ATP10B: variants seen among roughly 807,000 people sequenced by gnomAD.
ATP10B encodes phospholipid-transporting ATPase VB.
A neutral mutation model predicts 141.2 loss-of-function variants in ATP10B; 122 were observed. The ratio of observed to expected loss-of-function variants is 0.86; its 90% CI spans 0.75 to 1.00. ATP10B has a LOEUF of 1.00. ATP10B is among the 50% of genes least tolerant of loss of function. The probability of loss-of-function intolerance (pLI) is 0.00; values close to 1 mark genes in which losing one functional copy is unlikely to be tolerated. For missense variants in ATP10B, 1,876 were observed against 1,825.3 expected (o/e 1.03, Z -0.51); for synonymous variants, 685 against 692.0 (o/e 0.99, Z 0.16).
intron 2 of ATP10B, among the ~76,000 whole-genome samples, chr5:160,747,977 C>T (rs1309315013): frequency 7.7e-6 from 1 of 130,394 alleles, no homozygotes; most frequent in Non-Finnish European, 1.6e-5. Flanking sequence ...TATCTGGGTC[C>T]AGCTGAGCAT....
Position 160,688,020 on chromosome 5 carries a change from C to T in ATP10B, c.55G>A (p.Gly19Ser), listed in dbSNP as rs202125356. The change falls in exon 5 of 26, where the codon GGC becomes AGC. Residue 19 changes from glycine (G) to serine (S), a missense_variant. Gly to Ser is a moderately conservative substitution (Grantham distance 56). Transcript: ENST00000327245. The part of the protein sequence containing the change: ...WHRWQWRVRD[G>S]FPHCPSETTP... ...GTTTCCGATGGACAATGGGGGAAGC[C>T]ATCTCTGACTCTCCACTGCCACCGA... 3 of 1,613,858 alleles carry T rather than the reference C, an allele frequency of 1.9e-6. No homozygotes were observed. Among genetic ancestry groups the T allele is most frequent in the Non-Finnish European group, 2.5e-6 (3 of 1,180,002 alleles).
chr5:160,670,463 C>A lies in ATP10B; in HGVS notation c.675G>T (p.Gln225His), dbSNP rs761911471. 6.2e-7 allele frequency: 1 copy of A among 1,613,934 alleles called. No homozygotes were observed. The highest frequency in any genetic ancestry group is 8.5e-7 in the Non-Finnish European group (1 of 1,179,934). ...QRCVVKGFSQQEVQFEPELFH... is the reference protein window; with the variant it reads ...QRCVVKGFSQHEVQFEPELFH... Reference sequence around the variant, plus strand: ...TTGAAGATATTAGAAAGAGCCCTACCTGCTGTGAGAAGCCCTTCACGACAC... The same window carrying A: ...TTGAAGATATTAGAAAGAGCCCTACATGCTGTGAGAAGCCCTTCACGACAC... The change falls in exon 7 of 26, where the codon CAG becomes CAT. Residue 225 changes from glutamine to histidine, a missense_variant and splice_region_variant. Coordinates refer to ENST00000327245, the MANE Select transcript of ATP10B (RefSeq NM_025153.3).
chr5:160,867,248 G>A, the ATP10B span, among the ~76,000 whole-genome samples: 1 of 151,636 alleles, frequency 6.6e-6, no homozygotes, highest in African/African-American at 2.4e-5. Flanking sequence ...CTTAAAAATG[G>A]TGGCTATTAC....
chr5:160,884,506 G>A, the ATP10B span, among the ~76,000 whole-genome samples: 23 of 151,984 alleles, frequency 1.5e-4, no homozygotes, highest in African/African-American at 4.1e-4. Flanking sequence ...AAAAGAACTG[G>A]CTATCTCAGC....
At chr5:160,587,400 T>C (rs148830356) in intron 24 of ATP10B, among the ~76,000 whole-genome samples, 1 of 152,224 alleles carries the variant, frequency 6.6e-6, no homozygotes, top group East Asian at 1.9e-4. Context: ...ACTTAGGATT[T>C]TCTTGGGTAT....
At chr5:160,750,927 C>T (rs916861523) in intron 2 of ATP10B, among the ~76,000 whole-genome samples, 9 of 152,178 alleles carry the variant, frequency 5.9e-5, no homozygotes, top group African/African-American at 1.4e-4. Flanking sequence ...CACCTGCTCT[C>T]CCCTACACTT....
At chr5:160,861,601 T>TTACAC in the ATP10B span, among the ~76,000 whole-genome samples, 2 of 151,912 alleles carry the variant, frequency 1.3e-5, no homozygotes, top group African/African-American at 4.8e-5. Context: ...GGAAAAGTTT[T>TTACAC]TACACTGTAT....
At chr5:160,589,367 T>A (rs1322981501) in intron 24 of ATP10B, among the ~76,000 whole-genome samples, 12 of 152,190 alleles carry the variant, frequency 7.9e-5, no homozygotes, top group Admixed American at 4.6e-4. Flanking sequence ...TCTCATTGTT[T>A]TAATATATGT....
intron 2 of ATP10B, among the ~76,000 whole-genome samples, chr5:160,770,972 C>G (rs1190785551): frequency 6.6e-6 from 1 of 152,176 alleles, no homozygotes; most frequent in Non-Finnish European, 1.5e-5. Flanking sequence ...TATTTTCTAT[C>G]CTTTTTCTCA....
intron 2 of ATP10B, among the ~76,000 whole-genome samples, chr5:160,731,980 G>T (rs1010691616): frequency 2.0e-5 from 3 of 152,108 alleles, no homozygotes; most frequent in Non-Finnish European, 4.4e-5. Context: ...CGAGGATGTT[G>T]AACAGGTAAG....
At chr5:160,873,979 G>A in the ATP10B span, among the ~76,000 whole-genome samples, 1 of 152,250 alleles carries the variant, frequency 6.6e-6, no homozygotes, top group Non-Finnish European at 1.5e-5. Flanking sequence ...CCATTGCCCA[G>A]GCTTGCTTAG....
At chr5:160,727,587 A>C (rs566153940) in intron 2 of ATP10B, among the ~76,000 whole-genome samples, 24 of 152,272 alleles carry the variant, frequency 1.6e-4, no homozygotes, top group African/African-American at 5.3e-4. Flanking sequence ...GGGTCCTGCC[A>C]AATAGTTTAA....
the ATP10B span, among the ~76,000 whole-genome samples, chr5:160,901,013 G>A: frequency 7.2e-6 from 1 of 139,638 alleles, no homozygotes; most frequent in Non-Finnish European, 1.6e-5. Flanking sequence ...TGATTGCTCT[G>A]AAGTTGTAGG....
chr5:160,858,200 GCTTT>G, the ATP10B span, among the ~76,000 whole-genome samples: 1 of 151,688 alleles, frequency 6.6e-6, no homozygotes, highest in Non-Finnish European at 1.5e-5. Flanking sequence ...GGTGGATTGA[GCTTT>G]TGACCATTAT....
chr5:160,622,168 G>A (rs975575947), intron 14 of ATP10B, among the ~76,000 whole-genome samples: 1 of 152,218 alleles, frequency 6.6e-6, no homozygotes, highest in Non-Finnish European at 1.5e-5. Flanking sequence ...AAGTTTGAAA[G>A]CTACACAGAA....
At chr5:160,604,754 G>C (rs1757288866) in intron 19 of ATP10B, among the ~76,000 whole-genome samples, 1 of 152,124 alleles carries the variant, frequency 6.6e-6, no homozygotes, top group Non-Finnish European at 1.5e-5. Flanking sequence ...TCTATACCAA[G>C]ACTGTTCAAG....
intron 7 of ATP10B, among the ~76,000 whole-genome samples, chr5:160,660,692 G>A (rs1411108971): frequency 6.6e-6 from 1 of 152,172 alleles, no homozygotes; most frequent in East Asian, 1.9e-4. Context: ...ACTATTAACA[G>A]TGAAAAAAGA....
At chr5:160,704,167 T>G (rs1036950493) in intron 3 of ATP10B, among the ~76,000 whole-genome samples, 4 of 152,182 alleles carry the variant, frequency 2.6e-5, no homozygotes, top group Non-Finnish European at 5.9e-5. Flanking sequence ...TCCTCTCGCC[T>G]CAGCCTCTTT....
intron 3 of ATP10B, among the ~76,000 whole-genome samples, chr5:160,689,238 A>C (rs997311687): frequency 2.6e-5 from 4 of 152,262 alleles, no homozygotes; most frequent in Admixed American, 6.5e-5. Context: ...CGAAATAATA[A>C]GAGCCATTTA....
Sources: allele counts gnomAD v4.1 joint callset (sites outside exome capture counted in the v4.1 genomes callset), GRCh38; gene constraint gnomAD v4.1.1; transcripts MANE v1.5; gene names NCBI Gene and HGNC (gene_info 2026-07-23, HGNC 2026-07-21).